Variants in TRPM1 observed in about 807,000 individuals in gnomAD.
The protein encoded by TRPM1 is transient receptor potential cation channel subfamily M member 1, also known as TRPM1-203 APA Isoform, Intron 10.
A neutral mutation model predicts 149.4 loss-of-function variants in TRPM1; 113 were observed. The observed-to-expected ratio is 0.76, with a 90% CI of 0.65 to 0.88. The LOEUF (loss-of-function observed/expected upper bound fraction) is 0.88, where lower values mean the gene tolerates loss of function less well. Among genes scored for constraint, TRPM1 ranks in the 40% least tolerant of loss-of-function variants. TRPM1 has a pLI of 0.00. For synonymous variants in TRPM1, 741 were observed against 759.5 expected (o/e 0.98, Z 0.40); for missense variants, 1,976 against 2,038.7 (o/e 0.97, Z 0.59).
At chr15:31,022,059 G>C (rs1165109073) in intron 27 of TRPM1, among the ~76,000 whole-genome samples, 1 of 152,178 alleles carries the variant, frequency 6.6e-6, no homozygotes, top group Non-Finnish European at 1.5e-5. Flanking sequence ...ATGGAAAAAA[G>C]GAAAACACAC....
At chr15:31,103,933 T>C (rs1311152149), upstream of TRPM1, among the ~76,000 whole-genome samples, 1 of 152,078 alleles carries the variant, frequency 6.6e-6, no homozygotes, top group East Asian at 1.9e-4. Flanking sequence ...GGTGTTGAGC[T>C]GCAGCTGTGG....
At position 31,071,980 on chromosome 15, in the gene TRPM1, CATATATATATATATATATAT is replaced by C. The variant is rs71471861; in HGVS notation, c.84-1774_84-1755del. On this transcript the variant is annotated intron_variant, in intron 3 of 27. Transcript: ENST00000256552. ...CTCCGTCTCAAAAAAAAAAAAAAAACATATATATATATATATATATATATATATATATATATATAGAGAGA... is the reference window on the plus strand; with the variant it reads ...CTCCGTCTCAAAAAAAAAAAAAAAACATATATATATATATATATAGAGAGA... Among the ~76,000 whole-genome samples, 226 of 77,256 alleles carry C rather than the reference CATATATATATATATATATAT, an allele frequency of 2.9e-3. 2 individuals are homozygous for C. The highest frequency in any genetic ancestry group is 0.015 in the Middle Eastern group (2 of 132). 50.7% of individuals were successfully genotyped at this position (77,256 alleles called of 152,430 possible).
intron 11 of TRPM1, among the ~76,000 whole-genome samples, chr15:31,056,381 C>T (rs2034088575): frequency 6.6e-6 from 1 of 152,170 alleles, no homozygotes; most frequent in Admixed American, 6.5e-5. Context: ...ATTCTCTATA[C>T]ACTTCTATTT....
At chr15:31,008,607 A>G (rs1253146827) in intron 27 of TRPM1, among the ~76,000 whole-genome samples, 2 of 152,116 alleles carry the variant, frequency 1.3e-5, no homozygotes, top group Non-Finnish European at 2.9e-5. Flanking sequence ...TATGTTCATG[A>G]GGAATATTGG....
At chr15:31,008,889 A>G (rs774551150) in intron 27 of TRPM1, among the ~76,000 whole-genome samples, 1 of 152,228 alleles carries the variant, frequency 6.6e-6, no homozygotes, top group Non-Finnish European at 1.5e-5. Flanking sequence ...ACATATATTG[A>G]AAATGCCATC....
chr15:31,082,621 G>C (rs1052158512), intron 1 of TRPM1, among the ~76,000 whole-genome samples: 1 of 152,206 alleles, frequency 6.6e-6, no homozygotes, highest in Non-Finnish European at 1.5e-5. Context: ...AGGGCCACGG[G>C]GAGGCTGCGG....
At chr15:31,052,761 G>A (rs1407695768) in intron 11 of TRPM1, among the ~76,000 whole-genome samples, 3 of 152,142 alleles carry the variant, frequency 2.0e-5, no homozygotes, top group African/African-American at 4.8e-5. Context: ...GGTGACAAGA[G>A]TGAAACTCAA....
chr15:31,026,019 A>G, intron 27 of TRPM1, 120 bp downstream of exon 27: 1 of 1,437,288 alleles, frequency 7.0e-7, no homozygotes, highest in South Asian at 1.2e-5. Flanking sequence ...CCTAAAGTTT[A>G]AATAAAACAG....
At chr15:31,160,488 TC>T (rs1279300010) in intron 1 of TRPM1, among the ~76,000 whole-genome samples, 1 of 151,990 alleles carries the variant, frequency 6.6e-6, no homozygotes, top group Non-Finnish European at 1.5e-5. Context: ...CATCCCTGGG[TC>T]CCCATGGCCC....
intron 27 of TRPM1, among the ~76,000 whole-genome samples, chr15:31,007,728 G>T (rs2032049168): frequency 6.6e-6 from 1 of 152,150 alleles, no homozygotes; most frequent in Non-Finnish European, 1.5e-5. Flanking sequence ...ATCCTGCTGG[G>T]ATTTTGATTG....
chr15:31,040,094 C>T lies in TRPM1; in HGVS notation c.2316+24G>A, dbSNP rs201256196. 1.4e-4 allele frequency: 223 copies of T among 1,608,324 alleles called. No individual in the cohort carries two copies. The highest frequency in any genetic ancestry group is 4.0e-4 in the East Asian group (18 of 44,832). On this transcript the variant is annotated intron_variant, in intron 18 of 27. Coordinates refer to ENST00000256552, the MANE Select transcript of TRPM1 (RefSeq NM_001252024.2). The surrounding 1 kb of genome is among the most constrained non-coding windows in gnomAD (Gnocchi z 4.2). ...GTCACTTGTCACTGTCACCCTGGCCCGCCTCGCAGCACGTTGCACGCACCT... is the reference window on the plus strand; with the variant it reads ...GTCACTTGTCACTGTCACCCTGGCCTGCCTCGCAGCACGTTGCACGCACCT...
intron 1 of TRPM1, among the ~76,000 whole-genome samples, chr15:31,086,456 G>A (rs1343586039): frequency 6.6e-6 from 1 of 152,266 alleles, no homozygotes; most frequent in Admixed American, 6.5e-5. Flanking sequence ...CCCCATCGCA[G>A]AGGGGACCCA....
intron 3 of TRPM1, among the ~76,000 whole-genome samples, chr15:31,072,014 TATATAGAGAGAG>T (rs1170606074): frequency 0.017 from 488 of 28,168 alleles, 3 homozygotes; most frequent in Non-Finnish European, 0.027. Flanking sequence ...TATATATATA[TATATAGAGAGAG>T]AGAGAGAGAG....
chr15:31,078,516 A>G (rs2034771590), intron 2 of TRPM1, among the ~76,000 whole-genome samples: 1 of 152,332 alleles, frequency 6.6e-6, no homozygotes, highest in Non-Finnish European at 1.5e-5. Flanking sequence ...AACACCGTAC[A>G]CTTTTCTCTG....
intron 27 of TRPM1, among the ~76,000 whole-genome samples, chr15:31,004,436 G>GT (rs61563077): frequency 0.029 from 4,319 of 147,846 alleles, 187 homozygotes; most frequent in African/African-American, 0.099. Flanking sequence ...ACCTCCCAGA[G>GT]TTTTTTTTTT....
chr15:31,099,759 C>T (rs562041321), intron 1 of TRPM1, among the ~76,000 whole-genome samples: 1 of 152,246 alleles, frequency 6.6e-6, no homozygotes, highest in South Asian at 2.1e-4. Flanking sequence ...GGGAGGAGGG[C>T]TAAAAAATAC....
chr15:31,080,602 T>C (rs1257340420), intron 2 of TRPM1, among the ~76,000 whole-genome samples: 2 of 151,514 alleles, frequency 1.3e-5, no homozygotes, highest in Admixed American at 1.3e-4. Flanking sequence ...GGCACTGTCC[T>C]TCCCTAGCCC....
At chr15:31,154,040 T>C (rs1265099425) in intron 1 of TRPM1, among the ~76,000 whole-genome samples, 1 of 152,234 alleles carries the variant, frequency 6.6e-6, no homozygotes, top group East Asian at 1.9e-4. Flanking sequence ...CTACTGGCCA[T>C]ACCCAGAGGG....
chr15:31,034,847 A>C (rs540023478), intron 21 of TRPM1, among the ~76,000 whole-genome samples: 2 of 152,366 alleles, frequency 1.3e-5, no homozygotes, highest in South Asian at 4.1e-4. Flanking sequence ...TTTCCTATGC[A>C]TTCAAACCTG....
Sources: allele counts gnomAD v4.1 joint callset (sites outside exome capture counted in the v4.1 genomes callset), GRCh38; gene constraint gnomAD v4.1.1; non-coding constraint Gnocchi (gnomAD v3.1); transcripts MANE v1.5; gene names NCBI Gene and HGNC (gene_info 2026-07-23, HGNC 2026-07-21).